The following NCOR1 variants were observed in gnomAD, a reference collection of about 807,000 sequenced individuals.
NCOR1 encodes the protein protein phosphatase 1, regulatory subunit 109.
NCOR1 carries 63 observed loss-of-function variants against 288.1 expected under a neutral mutation model. The ratio of observed to expected loss-of-function variants is 0.22; its 90% CI spans 0.18 to 0.27. The LOEUF (loss-of-function observed/expected upper bound fraction) is 0.27. Ranked by LOEUF, NCOR1 falls within the 10% of genes least tolerant of loss-of-function variation. The pLI is 1.00. For synonymous variants in NCOR1, 1,007 were observed against 1,065.9 expected, an observed-to-expected ratio of 0.94 and a Z score of 1.08; for missense variants, 2,397 against 3,019.2, an observed-to-expected ratio of 0.79 and a Z score of 4.83.
intron 4 of NCOR1, among the ~76,000 whole-genome samples, chr17:16,169,848 CT>C (rs960479021): frequency 1.3e-5 from 2 of 151,806 alleles, no homozygotes; most frequent in African/African-American, 4.8e-5. Flanking sequence ...TTTTAAATTT[CT>C]TTTTTTTAAT....
At chr17:16,098,288 A>C (rs1309647471) in intron 21 of NCOR1, 79 bp downstream of exon 21, 4 of 1,395,526 alleles carry the variant, frequency 2.9e-6, no homozygotes, top group Non-Finnish European at 4.0e-6. Context: ...ATCAAGAACC[A>C]ATTAAAGAAC....
intron 18 of NCOR1, among the ~76,000 whole-genome samples, chr17:16,115,340 TC>T (rs771078570): frequency 1.4e-3 from 219 of 152,324 alleles, no homozygotes; most frequent in Admixed American, 3.9e-3. Flanking sequence ...GAAGAAATTT[TC>T]CCCATTGTCT....
intron 40 of NCOR1, 159 bp from the exon 41 acceptor site, chr17:16,049,147 G>T: frequency 1.5e-4 from 69 of 474,256 alleles, no homozygotes; most frequent in East Asian, 2.9e-4. Flanking sequence ...TATATACATA[G>T]TTAAAACAAA....
chr17:16,073,437 G>T lies in NCOR1; in HGVS notation c.3803C>A (p.Pro1268Gln). The T allele has an allele frequency of 6.3e-7, 1 of 1,598,304 alleles. No individual in the cohort carries two copies. The highest frequency in any genetic ancestry group is 8.5e-7 in the Non-Finnish European group (1 of 1,173,248). The stretch of plus-strand genomic sequence containing the variant: ...TGAAAACAATGCTTTACCCTCTAAC[G>T]GTGCTGATACAGGAGACTCCCTCAT... ...MSMRESPVSA[P>Q]LEGLICRALP... The change falls in exon 28 of 46, where the codon CCG (proline) becomes CAG (glutamine). Residue 1268 changes from proline (P) to glutamine (Q), a missense_variant. Around this residue, in one of 11 missense-constraint regions of NCOR1, gnomAD observed 1,872 missense variants for 2,187.8 expected, o/e 0.86. Transcript: ENST00000268712.
At chr17:16,197,087 CA>C (rs2089983683) in intron 1 of NCOR1, among the ~76,000 whole-genome samples, 1 of 151,968 alleles carries the variant, frequency 6.6e-6, no homozygotes, top group South Asian at 2.1e-4. Context: ...TTTAGGAGGC[CA>C]GCGCAGGCAG....
chr17:16,154,038 T>A (rs1439250099), intron 6 of NCOR1, among the ~76,000 whole-genome samples: 2 of 144,704 alleles, frequency 1.4e-5, no homozygotes, highest in Non-Finnish European at 3.0e-5. Context: ...TTTTTTTTTT[T>A]TTATTTGAGA....
At chr17:16,106,102 AAAACAAAC>A (rs370447259) in intron 19 of NCOR1, among the ~76,000 whole-genome samples, 1 of 152,140 alleles carries the variant, frequency 6.6e-6, no homozygotes, top group Non-Finnish European at 1.5e-5. Flanking sequence ...CTCCATCTCT[AAAACAAAC>A]AAACAAACCA....
At chr17:16,094,173 G>A (rs1329195742) in intron 21 of NCOR1, among the ~76,000 whole-genome samples, 2 of 151,966 alleles carry the variant, frequency 1.3e-5, no homozygotes, top group African/African-American at 4.8e-5. Flanking sequence ...CAAAAGTGTT[G>A]GGATTACAGG....
Position 16,049,223 on chromosome 17 carries a change from G to A in NCOR1, c.6393-235C>T, listed in dbSNP as rs574999948. ...ACCCATGCGCGCCCCGTGGATCCAGGAGTCACGTCATCAGACAGTGCTGCC... is the reference window on the plus strand; with the variant it reads ...ACCCATGCGCGCCCCGTGGATCCAGAAGTCACGTCATCAGACAGTGCTGCC... On this transcript the variant is annotated intron_variant, in intron 40 of 45. Coordinates refer to ENST00000268712, the MANE Select transcript of NCOR1 (RefSeq NM_006311.4). The A allele has an allele frequency of 6.3e-5, 19 of 299,470 alleles. No individual in the cohort carries two copies. In the East Asian group the frequency reaches 9.2e-4, roughly 15 times the overall value. The allele number at this position is 299,470 out of a possible 1,614,324, so 18.6% of individuals were successfully genotyped here. A position where few individuals can be genotyped will look rare whatever the true frequency, so the allele number is the denominator to read the frequency against.
rs1465538879 is a variant in NCOR1, at chr17:16,119,494, A to G, written c.1853-9T>C. The G allele has an allele frequency of 1.3e-6, 2 of 1,585,442 alleles. No individual in the cohort carries two copies. ...CACAGGCTCTGTAGAAACTAAAATA[A>G]AGAGAGAACCCAATCAGGCAGAGAA... is the stretch of plus-strand genomic sequence containing the variant. On this transcript the variant is annotated splice_polypyrimidine_tract_variant and intron_variant, in intron 16 of 45. Coordinates refer to ENST00000268712, the MANE Select transcript of NCOR1 (RefSeq NM_006311.4).
At chr17:16,127,377 A>ATGTG (rs2074547797) in intron 14 of NCOR1, among the ~76,000 whole-genome samples, 1 of 121,224 alleles carries the variant, frequency 8.2e-6, no homozygotes, top group East Asian at 2.1e-4. Flanking sequence ...ATGTATGTAT[A>ATGTG]TATGTATGTA....
At chr17:16,101,160 T>A in intron 20 of NCOR1, 90 bp downstream of exon 20, 1 of 1,334,012 alleles carries the variant, frequency 7.5e-7, no homozygotes, top group Non-Finnish European at 1.0e-6. Flanking sequence ...AATATTTACA[T>A]AGGAGACATG....
rs1600391676 is a variant in NCOR1, at chr17:16,196,786, C to T, written c.-70-2147G>A. Among the ~76,000 whole-genome samples the T allele has an allele frequency of 2.1e-5, 3 of 139,842 alleles. 1 individual carries two copies. The highest frequency in any genetic ancestry group is 8.1e-5 in the African/African-American group (3 of 37,014). 91.7% of individuals were successfully genotyped at this position (139,842 alleles called of 152,430 possible). A position where few individuals can be genotyped will look rare whatever the true frequency, so the allele number is the denominator to read the frequency against. On this transcript the variant is annotated intron_variant, in intron 1 of 45. Transcript: ENST00000268712. Reference sequence around the variant, plus strand: ...CTTGCCGTGAGCCAAGATCGGGCCACTGCATGCCAGCCTGGGCAACAGAGC... The same window carrying T: ...CTTGCCGTGAGCCAAGATCGGGCCATTGCATGCCAGCCTGGGCAACAGAGC...
intron 2 of NCOR1, among the ~76,000 whole-genome samples, chr17:16,190,251 A>C (rs537863478): frequency 1.1e-4 from 17 of 152,308 alleles, no homozygotes; most frequent in African/African-American, 3.6e-4. Flanking sequence ...TGAAATAAAA[A>C]ATAAACCATC....
intron 22 of NCOR1, among the ~76,000 whole-genome samples, chr17:16,088,606 T>C (rs757205116): frequency 6.6e-6 from 1 of 152,168 alleles, no homozygotes; most frequent in Non-Finnish European, 1.5e-5. Context: ...TTTTGTAAGG[T>C]GCTTTTAAAA....
At chr17:16,209,495 G>A (rs1211508651) in intron 1 of NCOR1, among the ~76,000 whole-genome samples, 1 of 151,754 alleles carries the variant, frequency 6.6e-6, no homozygotes, top group Non-Finnish European at 1.5e-5. Context: ...GCCATGGTGG[G>A]AGGATTACTT....
chr17:16,071,246 T>G (rs912757210), intron 30 of NCOR1, among the ~76,000 whole-genome samples, 163 bp downstream of exon 30: 3 of 150,414 alleles, frequency 2.0e-5, no homozygotes, highest in Non-Finnish European at 4.4e-5. Context: ...CACACCGCAC[T>G]CCAGCCTGGT....
intron 14 of NCOR1, among the ~76,000 whole-genome samples, chr17:16,127,764 T>A (rs1310669573): frequency 7.0e-6 from 1 of 142,130 alleles, no homozygotes; most frequent in Non-Finnish European, 1.5e-5. Flanking sequence ...TATATATCTC[T>A]CATAGTATAT....
chr17:16,070,741 T>C (rs2061653961), intron 30 of NCOR1, among the ~76,000 whole-genome samples: 1 of 152,070 alleles, frequency 6.6e-6, no homozygotes, highest in Admixed American at 6.6e-5. Flanking sequence ...TGATAAGAAG[T>C]ACACAAGGCC....
Sources: gnomAD v4.1 joint callset for allele counts (sites outside exome capture counted in the v4.1 genomes callset) on GRCh38, gnomAD v4.1.1 for gene constraint, gnomAD v4.1.1 regional missense constraint, MANE v1.5 for transcripts, NCBI Gene and HGNC (gene_info 2026-07-23, HGNC 2026-07-21) for gene names.